The following KATNAL2 variants were observed in gnomAD, a reference collection of about 807,000 sequenced individuals.
The protein encoded by KATNAL2 is katanin p60 ATPase-containing subunit A-like 2.
A neutral mutation model predicts 76.3 loss-of-function variants in KATNAL2; 52 were observed. The observed-to-expected ratio is 0.68, with a 90% CI of 0.55 to 0.86. KATNAL2 has a LOEUF of 0.86. Among genes scored for constraint, KATNAL2 ranks in the 40% least tolerant of loss-of-function variants. The pLI is 0.00. For missense variants in KATNAL2, 660 were observed against 668.9 expected (o/e 0.99, Z 0.15); for synonymous variants, 243 against 244.2 (o/e 1.00, Z 0.05).
At chr18:47,071,361 C>T (rs2061992335) in intron 13 of KATNAL2, among the ~76,000 whole-genome samples, 1 of 152,080 alleles carries the variant, frequency 6.6e-6, no homozygotes, top group South Asian at 2.1e-4. Context: ...CCTGGCTTTT[C>T]CCCCAACTTA....
intron 3 of KATNAL2, among the ~76,000 whole-genome samples, chr18:46,965,940 C>G (rs2060117414): frequency 6.7e-6 from 1 of 149,882 alleles, no homozygotes. Context: ...GCGGCGATTT[C>G]GCGTAATGTT....
At chr18:47,084,527 C>T in intron 15 of KATNAL2, 2 of 631,504 alleles carry the variant, frequency 3.2e-6, no homozygotes, top group East Asian at 2.8e-5. Context: ...AACTGGTTTC[C>T]CCCAGCAGGG....
intron 4 of KATNAL2, among the ~76,000 whole-genome samples, chr18:47,051,360 G>A (rs191289022): frequency 2.0e-5 from 3 of 151,932 alleles, no homozygotes; most frequent in African/African-American, 7.2e-5. Context: ...GAGCCCAGGA[G>A]TTCCAGGCTG....
At chr18:47,044,214 CA>C (rs200618039) in intron 3 of KATNAL2, among the ~76,000 whole-genome samples, 3 of 150,088 alleles carry the variant, frequency 2.0e-5, no homozygotes, top group South Asian at 2.1e-4. Flanking sequence ...AAAAAAAAAG[CA>C]AAAAAAAATC....
At chr18:47,033,972 A>C in intron 3 of KATNAL2, 2 of 1,613,408 alleles carry the variant, frequency 1.2e-6, no homozygotes, top group Non-Finnish European at 1.7e-6. Flanking sequence ...CCTGGACAGG[A>C]GGCAATTTCT....
Position 47,052,903 on chromosome 18 carries a change from T to C in KATNAL2, c.146T>C (p.Leu49Ser). 1.2e-6 allele frequency: 2 copies of C among 1,610,078 alleles called. No individual in the cohort carries two copies. Among genetic ancestry groups the C allele is most frequent in the Non-Finnish European group, 1.7e-6 (2 of 1,178,942 alleles). Residue 49 changes from leucine to serine, a missense_variant, in exon 5 of 18, where the codon TTG becomes TCG. Transcript: ENST00000683218. Reference protein sequence around the residue: ...QEGYIDTANALEQETKLGLRR... With the variant: ...QEGYIDTANASEQETKLGLRR... ...AGGTATATCGATACAGCAAATGCTT[T>C]GGAGCAAGAAACTAAACTGGGGTTA...
intron 3 of KATNAL2, among the ~76,000 whole-genome samples, chr18:46,961,597 A>T (rs193019460): frequency 6.6e-6 from 1 of 152,228 alleles, no homozygotes; most frequent in Admixed American, 6.5e-5. Context: ...ACATTTTTCA[A>T]ATACAGACAT....
chr18:47,059,714 G>A (rs1224209954), intron 8 of KATNAL2, 60 bp downstream of exon 8: 5 of 1,196,486 alleles, frequency 4.2e-6, no homozygotes, highest in Admixed American at 1.8e-5. Flanking sequence ...TTTTAAACAT[G>A]AAAACAAAAA....
chr18:47,057,491 T>G (rs192770296), intron 6 of KATNAL2, among the ~76,000 whole-genome samples: 1 of 152,178 alleles, frequency 6.6e-6, no homozygotes. Context: ...ATACAGTAAA[T>G]GTATATACTC....
intron 15 of KATNAL2, among the ~76,000 whole-genome samples, chr18:47,089,636 G>T (rs2062915007): frequency 6.6e-6 from 1 of 152,062 alleles, no homozygotes; most frequent in Non-Finnish European, 1.5e-5. Flanking sequence ...CAAAAGTACT[G>T]CCCAGCCACA....
At chr18:46,951,427 T>C (rs1311680575) in intron 3 of KATNAL2, among the ~76,000 whole-genome samples, 1 of 127,844 alleles carries the variant, frequency 7.8e-6, no homozygotes, top group Non-Finnish European at 1.7e-5. Context: ...TTTTTTTTTT[T>C]ACTGGGTGGT....
chr18:47,071,521 C>A (rs964256335), intron 13 of KATNAL2, among the ~76,000 whole-genome samples: 2 of 151,424 alleles, frequency 1.3e-5, no homozygotes, highest in Non-Finnish European at 2.9e-5. Context: ...TTTTAAATAT[C>A]ATTTCTATAT....
chr18:46,953,949 C>T (rs1481137857), intron 3 of KATNAL2, among the ~76,000 whole-genome samples: 1 of 152,074 alleles, frequency 6.6e-6, no homozygotes, highest in Non-Finnish European at 1.5e-5. Flanking sequence ...TGCTCTCCTT[C>T]AGGGAATAAG....
At chr18:47,079,154 T>C (rs1215106637) in intron 15 of KATNAL2, among the ~76,000 whole-genome samples, 1 of 152,208 alleles carries the variant, frequency 6.6e-6, no homozygotes, top group Non-Finnish European at 1.5e-5. Flanking sequence ...TTAAATCATA[T>C]TCAACTATTA....
chr18:47,047,072 C>T (rs2061184117), intron 4 of KATNAL2, among the ~76,000 whole-genome samples: 1 of 152,110 alleles, frequency 6.6e-6, no homozygotes, highest in South Asian at 2.1e-4. Flanking sequence ...TGGTGTGTAC[C>T]ATCATGCCTG....
At chr18:47,060,984 A>G (rs1343550972) in intron 8 of KATNAL2, among the ~76,000 whole-genome samples, 1 of 152,224 alleles carries the variant, frequency 6.6e-6, no homozygotes, top group African/African-American at 2.4e-5. Flanking sequence ...CAAGGAAGGG[A>G]CCATTTAACC....
intron 15 of KATNAL2, among the ~76,000 whole-genome samples, chr18:47,094,983 G>C (rs1012631674): frequency 1.3e-5 from 2 of 152,166 alleles, no homozygotes; most frequent in African/African-American, 4.8e-5. Flanking sequence ...TCTAAAGGTA[G>C]AAGAAGATAC....
chr18:47,032,032 T>G (rs979523580), intron 3 of KATNAL2, among the ~76,000 whole-genome samples: 1 of 152,222 alleles, frequency 6.6e-6, no homozygotes, highest in African/African-American at 2.4e-5. Flanking sequence ...GTTAACCCGG[T>G]CCTTTCATGG....
chr18:46,946,703 T>C (rs1771542535), intron 2 of KATNAL2, 151 bp from the exon 3 acceptor site: 3 of 1,057,936 alleles, frequency 2.8e-6, no homozygotes, highest in Non-Finnish European at 4.0e-6. Flanking sequence ...GGTCTAACAT[T>C]GATTGGCATG....
Sources: allele counts gnomAD v4.1 joint callset (sites outside exome capture counted in the v4.1 genomes callset), GRCh38; gene constraint gnomAD v4.1.1; transcripts MANE v1.5; gene names NCBI Gene and HGNC (gene_info 2026-07-23, HGNC 2026-07-21).